The following TACC1 variants were observed in gnomAD, a reference collection of about 807,000 sequenced individuals.
The protein encoded by TACC1 is transforming acidic coiled-coil containing protein 1.
TACC1 carries 48 observed loss-of-function variants against 84.4 expected under a neutral mutation model. The observed-to-expected ratio is 0.57, with a 90% confidence interval of 0.45 to 0.72. The LOEUF (loss-of-function observed/expected upper bound fraction) is 0.72, where lower values mean the gene tolerates loss of function less well. Ranked by LOEUF, TACC1 falls within the 30% of genes least tolerant of loss-of-function variation. The pLI is 0.00. For missense variants in TACC1, 920 were observed against 973.0 expected (o/e 0.95, Z 0.72); for synonymous variants, 372 against 376.3 (o/e 0.99, Z 0.13).
At chr8:38,817,742 A>G (rs149286359) in intron 2 of TACC1, among the ~76,000 whole-genome samples, 5 of 152,070 alleles carry the variant, frequency 3.3e-5, no homozygotes, top group African/African-American at 9.6e-5. Flanking sequence ...CCAGTACCCA[A>G]TAATAATCAT....
intron 2 of TACC1, among the ~76,000 whole-genome samples, chr8:38,793,843 C>G (rs1019128613): frequency 3.9e-5 from 6 of 152,160 alleles, no homozygotes; most frequent in African/African-American, 1.4e-4. Context: ...GTACTTGGAA[C>G]AGAGACCAAA....
At chr8:38,769,189 GTGTGTGGTGTGTGTGAT>G (rs1222607421) in intron 3 of TACC1, among the ~76,000 whole-genome samples, 3 of 147,690 alleles carry the variant, frequency 2.0e-5, no homozygotes, top group Non-Finnish European at 4.5e-5. Flanking sequence ...ATGGGAGGGT[GTGTGTGGTGTGTGTGAT>G]TGTGTGGTGT....
rs1815386721 is a variant in TACC1, at chr8:38,778,935, T to C, written c.27-9769T>C. 2.6e-5 allele frequency among the ~76,000 whole-genome samples: 4 copies of C among 152,032 alleles called. No homozygotes were observed. The South Asian group carries it at 8.3e-4, about 32-fold the overall frequency. On this transcript the variant is annotated intron_variant, in intron 3 of 14. Transcript: ENST00000518415. Reference sequence around the variant, plus strand: ...TGCTCTGGCCCAATTTTTTGTGCCTTTGAGGATTCTCATTTGTATCAGTAG... The same window carrying C: ...TGCTCTGGCCCAATTTTTTGTGCCTCTGAGGATTCTCATTTGTATCAGTAG...
At position 38,848,149 on chromosome 8, in the gene TACC1, G is replaced by A. The variant is rs1832657051; in HGVS notation, c.*126G>A. The A allele has an allele frequency of 1.3e-6, 1 of 791,548 alleles. No individual in the cohort carries two copies. Among genetic ancestry groups the A allele is most frequent in the African/African-American group, 1.8e-5 (1 of 56,960 alleles). 49.0% of individuals were successfully genotyped at this position (791,548 alleles called of 1,614,324 possible). A position where few individuals can be genotyped will look rare whatever the true frequency, so the allele number is the denominator to read the frequency against. Reference sequence around the variant, plus strand: ...AAAAAAAAACTTAAAAAAAGCACATGCCTACTGCTGCCTGTCCCGCTTTGC... The same window carrying A: ...AAAAAAAAACTTAAAAAAAGCACATACCTACTGCTGCCTGTCCCGCTTTGC... On this transcript the variant is annotated 3_prime_UTR_variant, in exon 13 of 13. Coordinates refer to ENST00000317827, the MANE Select transcript of TACC1 (RefSeq NM_006283.3).
intron 3 of TACC1, among the ~76,000 whole-genome samples, chr8:38,772,345 C>T (rs931926027): frequency 3.3e-5 from 5 of 152,218 alleles, no homozygotes; most frequent in African/African-American, 1.2e-4. Flanking sequence ...TACAATCTCA[C>T]TTCTAGAATT....
At chr8:38,738,886 T>C (rs1241804452) in intron 1 of TACC1, among the ~76,000 whole-genome samples, 1 of 152,164 alleles carries the variant, frequency 6.6e-6, no homozygotes, top group East Asian at 1.9e-4. Context: ...GGTATATGTG[T>C]GTGTGCTGAC....
intron 3 of TACC1, chr8:38,757,544 G>C: frequency 9.1e-7 from 1 of 1,095,988 alleles, no homozygotes; most frequent in Non-Finnish European, 1.1e-6. Flanking sequence ...ACGAGCGCTC[G>C]GCAGCGGGGC....
intron 3 of TACC1, among the ~76,000 whole-genome samples, chr8:38,759,461 G>A (rs977501155): frequency 6.6e-6 from 1 of 152,238 alleles, no homozygotes; most frequent in African/African-American, 2.4e-5. Flanking sequence ...ATGTGAGGTA[G>A]GGTTCAGTTG....
At chr8:38,772,774 C>A (rs6998253) in intron 3 of TACC1, among the ~76,000 whole-genome samples, 30,290 of 151,576 alleles carry the variant, frequency 0.2, 3,568 homozygotes, top group Non-Finnish European at 0.27. Flanking sequence ...TATATATTAA[C>A]GTGTTGATTT....
intron 3 of TACC1, among the ~76,000 whole-genome samples, chr8:38,764,523 G>A (rs1811851867): frequency 6.6e-6 from 1 of 150,444 alleles, no homozygotes; most frequent in African/African-American, 2.4e-5. Flanking sequence ...ATGTTTATTA[G>A]CCATTTTGAA....
chr8:38,841,688 G>T (rs1187593956), intron 9 of TACC1, among the ~76,000 whole-genome samples: 1 of 152,144 alleles, frequency 6.6e-6, no homozygotes, highest in Non-Finnish European at 1.5e-5. Flanking sequence ...TTGGTGGCCT[G>T]GTCACATCAC....
At chr8:38,791,772 A>G (rs1818722595) in intron 2 of TACC1, among the ~76,000 whole-genome samples, 1 of 152,210 alleles carries the variant, frequency 6.6e-6, no homozygotes, top group Admixed American at 6.5e-5. Context: ...ATTTACGAGG[A>G]GTTAGTCAGG....
chr8:38,801,176 A>G (rs1755271080), intron 2 of TACC1, among the ~76,000 whole-genome samples: 1 of 152,044 alleles, frequency 6.6e-6, no homozygotes, highest in Admixed American at 6.6e-5. Flanking sequence ...ATTTTCTTCC[A>G]TTGTCTTTTC....
At chr8:38,745,518 T>C (rs1484779102) in intron 3 of TACC1, 2 of 686,132 alleles carry the variant, frequency 2.9e-6, no homozygotes, top group South Asian at 3.1e-5. Flanking sequence ...TTTTGTTTTC[T>C]TGTTTTTTTT....
chr8:38,838,652 G>C (rs944684638), intron 8 of TACC1, 106 bp downstream of exon 8: 1 of 896,376 alleles, frequency 1.1e-6, no homozygotes, highest in African/African-American at 1.7e-5. Flanking sequence ...CAAGTGTTGA[G>C]AGCTTGAGGG....
chr8:38,848,487 A>T lies in TACC1; in HGVS notation c.*464A>T, dbSNP rs1040013477. 6.5e-6 allele frequency: 1 copy of T among 153,094 alleles called. No individual in the cohort carries two copies. The highest frequency in any genetic ancestry group is 6.5e-5 in the Admixed American group (1 of 15,322). The allele number at this position is 153,094 out of a possible 1,614,324, so 9.5% of individuals were successfully genotyped here. A position where few individuals can be genotyped will look rare whatever the true frequency, so the allele number is the denominator to read the frequency against. ...TTTGGCCTATTGTTACTTCCAATTT[A>T]TAATCAAGAAGGGGCTCTGGATCCC... On this transcript the variant is annotated 3_prime_UTR_variant, in exon 13 of 13. Coordinates refer to ENST00000317827, the MANE Select transcript of TACC1 (RefSeq NM_006283.3).
intron 3 of TACC1, among the ~76,000 whole-genome samples, chr8:38,771,220 C>T (rs1457162916): frequency 6.6e-6 from 1 of 152,028 alleles, no homozygotes; most frequent in Non-Finnish European, 1.5e-5. Flanking sequence ...GAGTCACTTG[C>T]CCAACCCTGG....
At chr8:38,826,198 G>A (rs1246557613) in intron 4 of TACC1, among the ~76,000 whole-genome samples, 4 of 152,074 alleles carry the variant, frequency 2.6e-5, no homozygotes, top group African/African-American at 9.7e-5. Flanking sequence ...TGTAAAAAAG[G>A]GGTGTGATGG....
chr8:38,848,011 A>T lies in TACC1; in HGVS notation c.2406A>T (p.Gly802=). The change falls in exon 13 of 13, where the codon GGA becomes GGT. Residue 802 remains glycine, a synonymous_variant. Transcript: ENST00000317827. ...GTGATGAGCTGATTGCAAAGCTGGG[A>T]AAGACTGACTGAGACACTCCCCCTG... is the stretch of plus-strand genomic sequence containing the variant. The part of the protein sequence containing the change: ...KICDELIAKL[G]KTD 1.9e-6 allele frequency: 3 copies of T among 1,613,856 alleles called. No individual in the cohort carries two copies. Among genetic ancestry groups the T allele is most frequent in the Non-Finnish European group, 2.5e-6 (3 of 1,179,844 alleles).
Sources: gnomAD v4.1 joint callset for allele counts (sites outside exome capture counted in the v4.1 genomes callset) on GRCh38, gnomAD v4.1.1 for gene constraint, MANE v1.5 for transcripts, NCBI Gene and HGNC (gene_info 2026-07-23, HGNC 2026-07-21) for gene names.